The following KLRG1 variants were observed in gnomAD, a reference collection of about 807,000 sequenced individuals.
KLRG1 encodes killer cell lectin like receptor G1.
Under a neutral mutation model 21.8 loss-of-function variants are expected in KLRG1, and 16 were observed. The observed-to-expected ratio is 0.73, with a 90% CI of 0.50 to 1.11. The LOEUF is 1.11. Ranked by LOEUF, KLRG1 falls within the 50% of genes most tolerant of loss-of-function variation. KLRG1 has a pLI of 0.00. For missense variants in KLRG1, 173 were observed against 218.3 expected, an observed-to-expected ratio of 0.79 and a Z score of 1.31; for synonymous variants, 69 against 75.9, an observed-to-expected ratio of 0.91 and a Z score of 0.47.
intron 1 of KLRG1, among the ~76,000 whole-genome samples, chr12:8,976,528 A>G (rs1946660009): frequency 1.3e-5 from 2 of 152,018 alleles, no homozygotes; most frequent in Admixed American, 1.3e-4. Flanking sequence ...TTTTTTGTCC[A>G]TATGTTCTAT....
the KLRG1 span, among the ~76,000 whole-genome samples, chr12:9,141,696 A>G: frequency 6.6e-6 from 1 of 152,192 alleles, no homozygotes; most frequent in Non-Finnish European, 1.5e-5. Flanking sequence ...CCTCCTTATA[A>G]TCTTTTTACC....
chr12:8,983,150 A>G (rs985731108), intron 1 of KLRG1, among the ~76,000 whole-genome samples: 10 of 152,182 alleles, frequency 6.6e-5, no homozygotes, highest in African/African-American at 2.2e-4. Context: ...GAAAATAAAT[A>G]TAATTCTTTA....
At position 8,974,244 on chromosome 12, in the gene KLRG1, T is replaced by G. The variant is rs375244858; in HGVS notation, c.-155-17962T>G. On this transcript the variant is annotated intron_variant, in intron 1 of 4. Transcript: ENST00000539240. ...GTGCAGTGGCGCGATCTCGGCTCAC[T>G]GCAAGCTCCGCCTCCCGGGTTCATG... Among the ~76,000 whole-genome samples, 32 of 151,920 alleles carry G rather than the reference T, an allele frequency of 2.1e-4. No homozygotes were observed. In the East Asian group the frequency reaches 4.5e-3, roughly 21 times the overall value.
the KLRG1 span, chr12:9,149,029 C>T: frequency 1.9e-6 from 3 of 1,597,520 alleles, no homozygotes; most frequent in Non-Finnish European, 2.6e-6. Context: ...GAGGTTGTAT[C>T]ATTTCCTGAG....
chr12:9,083,097 G>A, the KLRG1 span, among the ~76,000 whole-genome samples: 1 of 152,128 alleles, frequency 6.6e-6, no homozygotes, highest in Non-Finnish European at 1.5e-5. Flanking sequence ...CCTGGGACAT[G>A]GATGAAGCTG....
chr12:9,070,476 T>C, the KLRG1 span: 2 of 1,598,426 alleles, frequency 1.3e-6, no homozygotes, highest in South Asian at 2.2e-5. Context: ...TCTGGGGTTA[T>C]GATAAACCTA....
chr12:9,041,212 G>A, the KLRG1 span, among the ~76,000 whole-genome samples: 8 of 152,306 alleles, frequency 5.3e-5, 1 homozygote, highest in East Asian at 7.7e-4. Context: ...GCTCATGCCT[G>A]TAATCCCAGC....
chr12:8,954,273 C>G (rs1051830174), intron 1 of KLRG1, among the ~76,000 whole-genome samples: 1 of 151,406 alleles, frequency 6.6e-6, no homozygotes, highest in Non-Finnish European at 1.5e-5. Context: ...TTACCAGGGG[C>G]GGGGTAGGGG....
the KLRG1 span, chr12:9,112,457 C>A: frequency 4.3e-6 from 7 of 1,613,768 alleles, no homozygotes; most frequent in Non-Finnish European, 5.9e-6. Flanking sequence ...CACTGTGGTC[C>A]GCTTCTTAAA....
the KLRG1 span, chr12:9,068,676 T>G: frequency 7.6e-7 from 1 of 1,308,448 alleles, no homozygotes; most frequent in Non-Finnish European, 1.1e-6. Flanking sequence ...CCAACACATC[T>G]CCTAAACCTG....
At chr12:9,130,899 T>C in the KLRG1 span, among the ~76,000 whole-genome samples, 1 of 152,086 alleles carries the variant, frequency 6.6e-6, no homozygotes, top group Non-Finnish European at 1.5e-5. Context: ...GATTATCCTG[T>C]CTGTTTTCTT....
downstream of KLRG1, among the ~76,000 whole-genome samples, chr12:9,013,127 G>T (rs371649738): frequency 6.6e-5 from 10 of 152,178 alleles, no homozygotes; most frequent in East Asian, 9.6e-4. Flanking sequence ...CTATAAGTCT[G>T]CAAGAGTCAC....
chr12:9,049,597 T>C, the KLRG1 span, among the ~76,000 whole-genome samples: 2 of 152,232 alleles, frequency 1.3e-5, no homozygotes, highest in African/African-American at 4.8e-5. Context: ...TATCTTCTCA[T>C]TTCAGGTTTC....
chr12:9,028,326 G>A, the KLRG1 span, among the ~76,000 whole-genome samples: 47 of 149,946 alleles, frequency 3.1e-4, no homozygotes, highest in Middle Eastern at 3.5e-3. Context: ...TAATTTTTGT[G>A]TTTTTATAGA....
chr12:9,194,228 A>G, the KLRG1 span: 1 of 1,613,790 alleles, frequency 6.2e-7, no homozygotes, highest in Admixed American at 1.7e-5. Flanking sequence ...TTTTCCATCC[A>G]CCAGAAGCAC....
At chr12:9,148,729 G>T in the KLRG1 span, 1 of 437,404 alleles carries the variant, frequency 2.3e-6, no homozygotes, top group Non-Finnish European at 4.0e-6. Flanking sequence ...TTTCCTACTA[G>T]AATGCTAACC....
At chr12:9,100,687 C>A in the KLRG1 span, among the ~76,000 whole-genome samples, 1 of 152,170 alleles carries the variant, frequency 6.6e-6, no homozygotes, top group South Asian at 2.1e-4. Context: ...CCTCAACTTT[C>A]TTTTAATTAA....
downstream of KLRG1, among the ~76,000 whole-genome samples, chr12:9,014,837 A>G (rs1409050785): frequency 1.3e-5 from 2 of 152,172 alleles, no homozygotes; most frequent in Non-Finnish European, 2.9e-5. Context: ...ATAAATAGAA[A>G]CAACAAAAAG....
At chr12:9,090,529 G>T in the KLRG1 span, 8 of 1,595,918 alleles carry the variant, frequency 5.0e-6, no homozygotes, top group South Asian at 6.7e-5. Flanking sequence ...GGAGAACAGA[G>T]GGAGAATGGG....
Sources: allele counts gnomAD v4.1 joint callset (sites outside exome capture counted in the v4.1 genomes callset), GRCh38; gene constraint gnomAD v4.1.1; transcripts MANE v1.5; gene names NCBI Gene and HGNC (gene_info 2026-07-23, HGNC 2026-07-21).